The following PPM1L variants were observed in gnomAD, a reference collection of about 807,000 sequenced individuals.
PPM1L encodes the protein protein phosphatase, Mg2+/Mn2+ dependent 1L, also known as protein phosphatase 1L.
PPM1L carries 13 observed loss-of-function variants against 31.4 expected under a neutral mutation model. That is an observed-to-expected ratio of 0.41 (90% CI 0.27 to 0.66). The LOEUF (loss-of-function observed/expected upper bound fraction) is 0.66. Among genes scored for constraint, PPM1L ranks in the 30% least tolerant of loss-of-function variants. The pLI, the probability that PPM1L is intolerant of heterozygous loss-of-function variation, is 0.29. For synonymous variants in PPM1L, 184 were observed against 175.4 expected (o/e 1.05, Z -0.39); for missense variants, 326 against 453.7 (o/e 0.72, Z 2.56).
At chr3:160,804,986 C>T (rs1313747130) in intron 1 of PPM1L, among the ~76,000 whole-genome samples, 2 of 152,222 alleles carry the variant, frequency 1.3e-5, no homozygotes, top group Non-Finnish European at 2.9e-5. Context: ...GAAATACTCT[C>T]TGGAGACAGT....
chr3:160,851,160 C>T (rs969578144), intron 1 of PPM1L, among the ~76,000 whole-genome samples: 1 of 152,012 alleles, frequency 6.6e-6, no homozygotes, highest in Non-Finnish European at 1.5e-5. Flanking sequence ...CTTTTTTAAA[C>T]AGGATTGTGG....
At chr3:160,872,764 A>G (rs1576682117) in intron 1 of PPM1L, among the ~76,000 whole-genome samples, 1 of 151,984 alleles carries the variant, frequency 6.6e-6, no homozygotes, top group East Asian at 1.9e-4. Context: ...GTCTCTACTA[A>G]AAATATAAAA....
At chr3:160,773,384 G>GA (rs11441850) in intron 1 of PPM1L, among the ~76,000 whole-genome samples, 80,362 of 151,804 alleles carry the variant, frequency 0.53, 23,970 homozygotes, top group African/African-American at 0.81. Context: ...TGAAAAGAGA[G>GA]AAAAAAAGGC....
intron 1 of PPM1L, among the ~76,000 whole-genome samples, chr3:160,771,629 A>G (rs894582249): frequency 7.6e-5 from 11 of 145,436 alleles, no homozygotes; most frequent in African/African-American, 2.8e-4. Context: ...TAGTCTCTTA[A>G]AGTTTTAAAG....
chr3:160,847,129 T>TG (rs1178530724), intron 1 of PPM1L, among the ~76,000 whole-genome samples: 1 of 152,180 alleles, frequency 6.6e-6, no homozygotes, highest in Non-Finnish European at 1.5e-5. Flanking sequence ...TTGCTTTTCT[T>TG]AAACAAGTCA....
At chr3:161,022,017 A>G (rs1027808471) in intron 2 of PPM1L, 8 of 452,160 alleles carry the variant, frequency 1.8e-5, no homozygotes, top group Non-Finnish European at 3.1e-5. Flanking sequence ...CCTACAAGTT[A>G]AAAGTTATGT....
intron 1 of PPM1L, among the ~76,000 whole-genome samples, chr3:160,787,607 G>A (rs1711974155): frequency 6.6e-6 from 1 of 152,066 alleles, no homozygotes; most frequent in Non-Finnish European, 1.5e-5. Flanking sequence ...AGTTTAACTA[G>A]GTCCCATTTG....
intron 1 of PPM1L, among the ~76,000 whole-genome samples, chr3:160,785,039 C>T (rs1358867905): frequency 2.0e-5 from 3 of 152,158 alleles, no homozygotes; most frequent in South Asian, 4.1e-4. Flanking sequence ...TAAATTGTTG[C>T]TCATATTTGA....
intron 2 of PPM1L, chr3:161,036,145 C>T (rs1265913387): frequency 6.6e-6 from 1 of 152,178 alleles, no homozygotes; most frequent in African/African-American, 2.4e-5. Flanking sequence ...ATAGCAGTTC[C>T]TCCTTGATCA....
chr3:160,934,625 C>CT (rs1307342410), intron 1 of PPM1L, among the ~76,000 whole-genome samples: 2 of 151,624 alleles, frequency 1.3e-5, no homozygotes, highest in African/African-American at 4.8e-5. Context: ...GCTTGGTGAA[C>CT]TTTTTTTTTC....
At chr3:160,917,712 A>G in intron 1 of PPM1L, among the ~76,000 whole-genome samples, 1 of 152,088 alleles carries the variant, frequency 6.6e-6, no homozygotes, top group East Asian at 1.9e-4. Context: ...AGAAGGAGAG[A>G]ATCATATTTT....
intron 1 of PPM1L, among the ~76,000 whole-genome samples, chr3:160,793,263 T>A (rs2108074022): frequency 6.6e-6 from 1 of 152,324 alleles, no homozygotes. Flanking sequence ...AGAAATGATT[T>A]AAAACTTATA....
intron 1 of PPM1L, among the ~76,000 whole-genome samples, chr3:160,842,897 AC>A (rs1560123195): frequency 1.3e-5 from 2 of 152,178 alleles, no homozygotes. Flanking sequence ...GTTCTAACTC[AC>A]CATTTAGCTA....
intron 1 of PPM1L, among the ~76,000 whole-genome samples, chr3:160,827,885 G>A (rs896689654): frequency 3.1e-4 from 47 of 152,056 alleles, no homozygotes; most frequent in African/African-American, 1.0e-3. Context: ...TTCTAGGGAG[G>A]CCTCATGGAA....
chr3:160,884,193 AT>A (rs1712830733), intron 1 of PPM1L, among the ~76,000 whole-genome samples: 1 of 152,190 alleles, frequency 6.6e-6, no homozygotes, highest in South Asian at 2.1e-4. Context: ...TAATATGATT[AT>A]TGCTTTAAGA....
chr3:160,987,203 G>A (rs1212803873), intron 2 of PPM1L, among the ~76,000 whole-genome samples: 1 of 152,170 alleles, frequency 6.6e-6, no homozygotes, highest in Non-Finnish European at 1.5e-5. Flanking sequence ...ACAGGCAAGT[G>A]GGAAGGGTTG....
rs528504265 is a variant in PPM1L at position 160,995,403 on chromosome 3, C to T, written c.574+33493C>T. ...TGGCACAATCTCGACTTACTGCAAC[C>T]TCCACCTCCCGGGTTCAAGTGATTC... On this transcript the variant is annotated intron_variant, in intron 2 of 3. Transcript: ENST00000498165. 2.0e-5 allele frequency among the ~76,000 whole-genome samples: 3 copies of T among 152,234 alleles called. No individual in the cohort carries two copies. The East Asian group carries it at 5.8e-4, about 29-fold the overall frequency.
intron 1 of PPM1L, among the ~76,000 whole-genome samples, chr3:160,905,055 G>C (rs1713703651): frequency 6.6e-6 from 1 of 152,160 alleles, no homozygotes; most frequent in Admixed American, 6.6e-5. Flanking sequence ...TCTAGTACTG[G>C]AGGAGGGACT....
At chr3:161,050,247 C>T (rs1199537606) in intron 2 of PPM1L, among the ~76,000 whole-genome samples, 1 of 152,152 alleles carries the variant, frequency 6.6e-6, no homozygotes, top group Non-Finnish European at 1.5e-5. Context: ...ACTGAAATGA[C>T]AGGTTGATCC....
Sources: gnomAD v4.1 joint callset for allele counts (sites outside exome capture counted in the v4.1 genomes callset) on GRCh38, gnomAD v4.1.1 for gene constraint, MANE v1.5 for transcripts, NCBI Gene and HGNC (gene_info 2026-07-23, HGNC 2026-07-21) for gene names.